CNTN5: variants seen among roughly 807,000 people sequenced by gnomAD.
The protein encoded by CNTN5 is contactin 5, also known as contactin-5.
In CNTN5, 77 loss-of-function variants were observed where a neutral mutation model predicts 129.1. The observed-to-expected ratio is 0.60, with a 90% CI of 0.50 to 0.72. The LOEUF (loss-of-function observed/expected upper bound fraction) is 0.72, where lower values mean the gene tolerates loss of function less well. CNTN5 is among the 30% of genes least tolerant of loss of function. The probability of loss-of-function intolerance (pLI) is 0.00; values close to 1 mark genes in which losing one functional copy is unlikely to be tolerated. For missense variants in CNTN5, 1,478 were observed against 1,328.8 expected (o/e 1.11, Z -1.75); for synonymous variants, 509 against 465.6 (o/e 1.09, Z -1.20).
chr11:100,347,763 C>G (rs935710733), intron 23 of CNTN5, among the ~76,000 whole-genome samples: 1 of 152,066 alleles, frequency 6.6e-6, no homozygotes, highest in African/African-American at 2.4e-5. Context: ...GTCACCGAGG[C>G]TTTAGATTCC....
intron 3 of CNTN5, among the ~76,000 whole-genome samples, chr11:99,805,754 T>A (rs556983924): frequency 6.6e-6 from 1 of 152,328 alleles, no homozygotes; most frequent in Admixed American, 6.5e-5. Context: ...GCAATTATTA[T>A]ACAAGTGTCT....
At chr11:99,935,144 A>G (rs1382005176) in intron 7 of CNTN5, among the ~76,000 whole-genome samples, 1 of 151,378 alleles carries the variant, frequency 6.6e-6, no homozygotes, top group East Asian at 1.9e-4. Context: ...TAAATTAGCA[A>G]ACACCTGCTA....
chr11:99,824,915 A>G (rs1325940189), intron 4 of CNTN5, among the ~76,000 whole-genome samples: 1 of 151,944 alleles, frequency 6.6e-6, no homozygotes, highest in Admixed American at 6.6e-5. Flanking sequence ...CATTTTTCAC[A>G]TCTTTAAGCT....
intron 3 of CNTN5, among the ~76,000 whole-genome samples, chr11:99,704,106 T>C (rs924036879): frequency 6.6e-6 from 1 of 150,686 alleles, no homozygotes; most frequent in African/African-American, 2.4e-5. Flanking sequence ...CATATGCATG[T>C]ATATTAATAA....
At chr11:100,210,657 C>T (rs1197394689) in intron 15 of CNTN5, among the ~76,000 whole-genome samples, 3 of 152,046 alleles carry the variant, frequency 2.0e-5, no homozygotes, top group Non-Finnish European at 4.4e-5. Context: ...TTCTTGTATT[C>T]AACAGTAATG....
At chr11:100,000,112 C>G (rs1254033144) in intron 8 of CNTN5, among the ~76,000 whole-genome samples, 2 of 151,742 alleles carry the variant, frequency 1.3e-5, no homozygotes, top group Non-Finnish European at 2.9e-5. Context: ...ACATATGTAA[C>G]TAACCTGCAC....
At chr11:99,026,202 C>A (rs1863099963) in intron 1 of CNTN5, among the ~76,000 whole-genome samples, 1 of 151,526 alleles carries the variant, frequency 6.6e-6, no homozygotes, top group Non-Finnish European at 1.5e-5. Context: ...AACAGATTGA[C>A]CCCAAATATA....
chr11:99,463,123 A>ATAAATAAATAAT (rs1364941640), intron 2 of CNTN5, among the ~76,000 whole-genome samples: 2 of 148,114 alleles, frequency 1.4e-5, no homozygotes, highest in African/African-American at 2.5e-5. Context: ...AAATAAATAA[A>ATAAATAAATAAT]TAAATAAATA....
At chr11:99,325,307 A>G (rs1312495836) in intron 1 of CNTN5, 39 bp from the exon 2 acceptor site, 1 of 151,590 alleles carries the variant, frequency 6.6e-6, no homozygotes, top group Non-Finnish European at 1.5e-5. Flanking sequence ...GAAAAAAAGG[A>G]TGATTTTTAT....
chr11:100,176,048 G>A (rs1947953705), intron 13 of CNTN5, among the ~76,000 whole-genome samples: 2 of 151,856 alleles, frequency 1.3e-5, no homozygotes, highest in Non-Finnish European at 2.9e-5. Flanking sequence ...TTGAGATGGA[G>A]TCTCACCCTT....
chr11:99,358,264 T>TTTTC (rs753681654), intron 2 of CNTN5, among the ~76,000 whole-genome samples: 3,997 of 110,806 alleles, frequency 0.036, 454 homozygotes, highest in African/African-American at 0.047. Context: ...GATTTTTTTT[T>TTTTC]TTTTTTTTTT....
intron 21 of CNTN5, among the ~76,000 whole-genome samples, chr11:100,310,122 C>T (rs1259225560): frequency 6.6e-6 from 1 of 151,896 alleles, no homozygotes; most frequent in East Asian, 1.9e-4. Flanking sequence ...ACCAAAATCC[C>T]TATCTCAAGC....
chr11:99,926,733 G>A (rs1325610336), intron 7 of CNTN5, among the ~76,000 whole-genome samples: 4 of 151,924 alleles, frequency 2.6e-5, no homozygotes, highest in Non-Finnish European at 5.9e-5. Flanking sequence ...AGATTTCTTA[G>A]TTGTTTTATT....
At chr11:99,701,806 T>G (rs1475022275) in intron 3 of CNTN5, among the ~76,000 whole-genome samples, 1 of 151,132 alleles carries the variant, frequency 6.6e-6, no homozygotes, top group African/African-American at 2.4e-5. Context: ...AGAGTAACTA[T>G]GAAGATGATT....
chr11:100,144,688 A>G (rs1045366039), intron 13 of CNTN5, among the ~76,000 whole-genome samples: 5 of 151,998 alleles, frequency 3.3e-5, no homozygotes, highest in African/African-American at 4.8e-5. Flanking sequence ...ATTCTAATCT[A>G]GGTGATTAAA....
chr11:99,951,249 G>C (rs1236902359), intron 7 of CNTN5, among the ~76,000 whole-genome samples: 1 of 144,648 alleles, frequency 6.9e-6, no homozygotes, highest in African/African-American at 2.5e-5. Flanking sequence ...GGGGCGCACA[G>C]ACCAAGGGAA....
rs576302184 is a variant in CNTN5 at position 99,693,516 on chromosome 11, A to G, written c.56-126028A>G. On this transcript the variant is annotated intron_variant, in intron 3 of 24. Transcript: ENST00000524871. ...TGAGGTAAAGGTTATGAAATGAGGC[A>G]TGACAAGCAGAGGGCACACAGGCCC... Among the ~76,000 whole-genome samples the G allele has an allele frequency of 3.9e-5, 6 of 152,002 alleles. No individual in the cohort carries two copies. In the East Asian group the frequency reaches 1.2e-3, roughly 30 times the overall value.
intron 3 of CNTN5, among the ~76,000 whole-genome samples, chr11:99,809,618 A>G (rs559158552): frequency 1.4e-4 from 22 of 152,190 alleles, no homozygotes; most frequent in South Asian, 4.1e-4. Context: ...TACAGATTCT[A>G]TGTTCTACAC....
Position 100,346,471 on chromosome 11 carries a change from A to G in CNTN5, c.3031-4231A>G, listed in dbSNP as rs187565959. 5.8e-4 allele frequency among the ~76,000 whole-genome samples: 88 copies of G among 152,252 alleles called. No homozygotes were observed. In the East Asian group the frequency reaches 6.6e-3, roughly 11 times the overall value. On this transcript the variant is annotated intron_variant, in intron 23 of 24. Transcript: ENST00000524871. Reference sequence around the variant, plus strand: ...ATGCTTGAGTGAAAGGGAAAATAAAACTCAATGTTCAGGGGCTATGCTTTC... The same window carrying G: ...ATGCTTGAGTGAAAGGGAAAATAAAGCTCAATGTTCAGGGGCTATGCTTTC...
Sources: gnomAD v4.1 joint callset for allele counts (sites outside exome capture counted in the v4.1 genomes callset) on GRCh38, gnomAD v4.1.1 for gene constraint, MANE v1.5 for transcripts, NCBI Gene and HGNC (gene_info 2026-07-23, HGNC 2026-07-21) for gene names.